Variants in DNAJC1 observed in about 807,000 individuals in gnomAD.
DNAJC1 encodes the protein dnaJ homolog subfamily C member 1.
Under a neutral mutation model 76.6 loss-of-function variants are expected in DNAJC1, and 58 were observed. That is an observed-to-expected ratio of 0.76 (90% CI 0.61 to 0.94). The LOEUF is 0.94. Among genes scored for constraint, DNAJC1 ranks in the 40% least tolerant of loss-of-function variants. DNAJC1 has a pLI of 0.00. For synonymous variants in DNAJC1, 258 were observed against 267.9 expected (o/e 0.96, Z 0.36); for missense variants, 689 against 677.3 (o/e 1.02, Z -0.19).
chr10:21,908,494 G>GT (rs1314467692), intron 6 of DNAJC1, among the ~76,000 whole-genome samples: 194 of 148,702 alleles, frequency 1.3e-3, no homozygotes, highest in Non-Finnish European at 2.2e-3. Flanking sequence ...TTTCATGGGG[G>GT]GGGGGTGAAT....
chr10:21,866,750 A>C (rs772259651), intron 8 of DNAJC1, among the ~76,000 whole-genome samples: 1 of 152,160 alleles, frequency 6.6e-6, no homozygotes, highest in Non-Finnish European at 1.5e-5. Context: ...TCAAATATTT[A>C]AAACAGCTGA....
At chr10:21,943,530 T>G (rs1398577083) in intron 1 of DNAJC1, among the ~76,000 whole-genome samples, 1 of 152,212 alleles carries the variant, frequency 6.6e-6, no homozygotes, top group Non-Finnish European at 1.5e-5. Context: ...CAGCTGGTTC[T>G]AAATGTGACA....
chr10:21,955,906 A>G (rs1315671504), intron 1 of DNAJC1, among the ~76,000 whole-genome samples: 1 of 152,240 alleles, frequency 6.6e-6, no homozygotes, highest in East Asian at 1.9e-4. Context: ...CAGAATATGT[A>G]GATGTAATAC....
In DNAJC1 at chr10:21,774,706, T is replaced by C. The variant is rs567140315; in HGVS notation, c.1099-8397A>G. On this transcript the variant is annotated intron_variant, in intron 9 of 11. Transcript: ENST00000376980. ...GTTAGCCAGGATGGTCTCGATCTCC[T>C]GACCTCGTGATCCGCCTGCCTCAGT... Among the ~76,000 whole-genome samples the C allele has an allele frequency of 1.1e-4, 16 of 152,304 alleles. No homozygotes were observed. In the East Asian group the frequency reaches 1.9e-3, roughly 18 times the overall value.
At chr10:21,764,581 A>C (rs1834274588) in intron 10 of DNAJC1, among the ~76,000 whole-genome samples, 1 of 152,218 alleles carries the variant, frequency 6.6e-6, no homozygotes, top group African/African-American at 2.4e-5. Context: ...AAAGGTATCC[A>C]AAATCTTAGG....
chr10:21,941,095 C>CAA (rs1208799870), intron 1 of DNAJC1, among the ~76,000 whole-genome samples: 93 of 39,130 alleles, frequency 2.4e-3, no homozygotes, highest in African/African-American at 3.5e-3. Context: ...ACTAAAAATA[C>CAA]AAAAAAAAAA....
chr10:21,844,916 G>A (rs953877312), intron 8 of DNAJC1, among the ~76,000 whole-genome samples: 2 of 152,146 alleles, frequency 1.3e-5, no homozygotes, highest in East Asian at 1.9e-4. Context: ...TGTAGCCCAA[G>A]CTACCCAGGA....
chr10:21,819,617 T>A (rs1382812829), intron 8 of DNAJC1, among the ~76,000 whole-genome samples: 1 of 152,106 alleles, frequency 6.6e-6, no homozygotes, highest in Admixed American at 6.6e-5. Flanking sequence ...TTTTTAAAAT[T>A]TTTTTATTGA....
intron 9 of DNAJC1, among the ~76,000 whole-genome samples, chr10:21,778,818 C>G (rs1834486867): frequency 6.6e-6 from 1 of 152,228 alleles, no homozygotes; most frequent in African/African-American, 2.4e-5. Context: ...CCAGGAAGTG[C>G]AAAGGGTCAG....
At chr10:21,974,026 TG>T (rs1233430968) in intron 1 of DNAJC1, among the ~76,000 whole-genome samples, 2 of 148,526 alleles carry the variant, frequency 1.3e-5, no homozygotes, top group African/African-American at 2.5e-5. Flanking sequence ...CACTTGAACT[TG>T]GGAGGCAGAG....
chr10:21,806,392 T>C (rs568777599), intron 8 of DNAJC1, among the ~76,000 whole-genome samples: 2 of 152,202 alleles, frequency 1.3e-5, no homozygotes, highest in Non-Finnish European at 2.9e-5. Flanking sequence ...AAAAAGACCA[T>C]TCAGCTTTGA....
intron 1 of DNAJC1, among the ~76,000 whole-genome samples, chr10:21,938,312 T>A (rs536651432): frequency 9.9e-5 from 15 of 151,526 alleles, no homozygotes; most frequent in Non-Finnish European, 2.1e-4. Context: ...GTAAAAGCAG[T>A]GCTCAGAAGA....
In DNAJC1 at chr10:22,003,620, G is replaced by T. The variant is rs932649265; in HGVS notation, c.-186C>A. ...AGGCGGCGGGAGCCGGCTGCCGGACGGGCGGGTGGGTAGGCGGGCGGGGCC... is the reference window on the plus strand; with the variant it reads ...AGGCGGCGGGAGCCGGCTGCCGGACTGGCGGGTGGGTAGGCGGGCGGGGCC... On this transcript the variant is annotated 5_prime_UTR_variant, in exon 1 of 12. Coordinates refer to ENST00000376980, the MANE Select transcript of DNAJC1 (RefSeq NM_022365.4). The T allele has an allele frequency of 1.4e-5, 9 of 624,022 alleles. No homozygotes were observed. The highest frequency in any genetic ancestry group is 1.9e-5 in the Non-Finnish European group (8 of 431,446). 38.7% of individuals were successfully genotyped at this position (624,022 alleles called of 1,614,324 possible).
intron 7 of DNAJC1, among the ~76,000 whole-genome samples, chr10:21,896,835 G>A (rs1412785184): frequency 2.6e-5 from 4 of 152,178 alleles, no homozygotes; most frequent in Non-Finnish European, 1.5e-5. Context: ...AGAGGAAAAG[G>A]CCACTGGGAG....
intron 1 of DNAJC1, among the ~76,000 whole-genome samples, chr10:21,970,706 T>C (rs1031784499): frequency 6.6e-6 from 1 of 152,000 alleles, no homozygotes. Context: ...TGATGCATGC[T>C]GTGCTACTCC....
chr10:21,757,885 G>A (rs1470579578), intron 11 of DNAJC1, among the ~76,000 whole-genome samples: 1 of 152,156 alleles, frequency 6.6e-6, no homozygotes, highest in South Asian at 2.1e-4. Flanking sequence ...CAGCCCCCCA[G>A]GTATGAGTTT....
chr10:21,852,921 C>T (rs1415758315), intron 8 of DNAJC1, among the ~76,000 whole-genome samples: 4 of 152,180 alleles, frequency 2.6e-5, no homozygotes, highest in Non-Finnish European at 1.5e-5. Flanking sequence ...TCTGACTCCA[C>T]CATTTACTAG....
chr10:21,913,505 A>T (rs765950858), intron 6 of DNAJC1, among the ~76,000 whole-genome samples: 22 of 152,212 alleles, frequency 1.4e-4, no homozygotes, highest in Non-Finnish European at 2.2e-4. Flanking sequence ...GTTCTGAAAC[A>T]GTTGCGAAAA....
intron 3 of DNAJC1, among the ~76,000 whole-genome samples, chr10:21,923,410 C>T (rs1277029497): frequency 6.6e-6 from 1 of 151,894 alleles, no homozygotes; most frequent in Non-Finnish European, 1.5e-5. Flanking sequence ...AGAAGAAATA[C>T]TGTGTTGACA....
Sources: allele counts gnomAD v4.1 joint callset (sites outside exome capture counted in the v4.1 genomes callset), GRCh38; gene constraint gnomAD v4.1.1; transcripts MANE v1.5; gene names NCBI Gene and HGNC (gene_info 2026-07-23, HGNC 2026-07-21).